The following DCHS2 variants were observed in gnomAD, a reference collection of about 807,000 sequenced individuals.
The protein encoded by DCHS2 is protocadherin-23.
DCHS2 carries 142 observed loss-of-function variants against 182.4 expected under a neutral mutation model. The observed-to-expected ratio is 0.78, with a 90% CI of 0.68 to 0.89. The LOEUF (loss-of-function observed/expected upper bound fraction) is 0.89, where lower values mean the gene tolerates loss of function less well. DCHS2 is among the 40% of genes least tolerant of loss of function. DCHS2 has a pLI of 0.00. For synonymous variants in DCHS2, 1,740 were observed against 1,663.3 expected (o/e 1.05, Z -1.12); for missense variants, 4,319 against 4,198.6 (o/e 1.03, Z -0.79).
chr4:154,307,366 T>C (rs982717098), intron 10 of DCHS2, among the ~76,000 whole-genome samples: 9 of 152,270 alleles, frequency 5.9e-5, no homozygotes, highest in Middle Eastern at 3.4e-3. Flanking sequence ...TGTGTGTGTG[T>C]GCCTGTGTAT....
intron 3 of DCHS2, chr4:154,357,362 GA>G: frequency 7.2e-7 from 1 of 1,389,912 alleles, no homozygotes; most frequent in Non-Finnish European, 1.0e-6. Flanking sequence ...TGGGAGCAGG[GA>G]AAAGCAAAAA....
At chr4:154,462,547 T>C (rs1037988016) in intron 1 of DCHS2, among the ~76,000 whole-genome samples, 3 of 152,200 alleles carry the variant, frequency 2.0e-5, no homozygotes, top group Non-Finnish European at 4.4e-5. Context: ...ACAGAAGAGT[T>C]GGAAATGGTT....
chr4:154,365,482 T>A (rs1730305087), intron 3 of DCHS2, among the ~76,000 whole-genome samples: 1 of 152,100 alleles, frequency 6.6e-6, no homozygotes, highest in Non-Finnish European at 1.5e-5. Context: ...TTTTTGTTTT[T>A]TTTTTGGAGA....
intron 3 of DCHS2, among the ~76,000 whole-genome samples, chr4:154,344,284 A>T (rs1166598495): frequency 6.6e-6 from 1 of 152,228 alleles, no homozygotes; most frequent in African/African-American, 2.4e-5. Context: ...TCCCCATAAC[A>T]CTAATAAATT....
chr4:154,248,145 G>A (rs577162575), intron 16 of DCHS2, among the ~76,000 whole-genome samples: 28 of 152,234 alleles, frequency 1.8e-4, no homozygotes, highest in Non-Finnish European at 3.1e-4. Context: ...TAGCCAATTG[G>A]GCACTCAGGA....
chr4:154,255,569 A>G lies in DCHS2; in HGVS notation c.6891T>C (p.Gly2297=). 4 of 1,614,004 alleles carry G rather than the reference A, an allele frequency of 2.5e-6. No individual in the cohort carries two copies. In the Middle Eastern group the frequency reaches 6.6e-4, roughly 266 times the overall value. ...CTAGAATCGCTTTTGTTGTTATCAC[A>G]CCACTCAGTGCATCAATCTGGAATG... ...EEAFQIDALS[G]VITTKAILDY... The change falls in exon 16 of 20, where the codon GGT becomes GGC. Residue 2297 remains glycine (G), a synonymous_variant. Transcript: ENST00000357232.
chr4:154,243,700 A>G (rs1193358766), intron 16 of DCHS2, among the ~76,000 whole-genome samples: 1 of 152,164 alleles, frequency 6.6e-6, no homozygotes, highest in Non-Finnish European at 1.5e-5. Flanking sequence ...TACATCCACT[A>G]AAGTCCCAGG....
In DCHS2 at chr4:154,328,147, C is replaced by G. The variant is rs142035311; in HGVS notation, c.3964G>C (p.Ala1322Pro). 191 of 1,609,654 alleles carry G rather than the reference C, an allele frequency of 1.2e-4. No individual in the cohort carries two copies. Among genetic ancestry groups the G allele is most frequent in the Admixed American group, 4.7e-4 (28 of 59,322 alleles). ...PVNMLVTTVF[A>P]KDPDEGNNAE... Reference sequence around the variant, plus strand: ...TTATTTCCTTCATCAGGATCCTTTGCAAACACAGTTGTAACCAACATATTT... The same window carrying G: ...TTATTTCCTTCATCAGGATCCTTTGGAAACACAGTTGTAACCAACATATTT... The change falls in exon 7 of 20, where the codon GCA (alanine) becomes CCA (proline). Residue 1322 changes from alanine (A) to proline (P), a missense_variant. Transcript: ENST00000357232.
chr4:154,245,145 TA>T (rs1421012115), intron 16 of DCHS2, among the ~76,000 whole-genome samples: 1 of 152,018 alleles, frequency 6.6e-6, no homozygotes, highest in Non-Finnish European at 1.5e-5. Context: ...GAAGAACAAA[TA>T]AAAAAATATG....
chr4:154,317,931 A>G (rs1735920339), intron 9 of DCHS2, among the ~76,000 whole-genome samples: 1 of 152,184 alleles, frequency 6.6e-6, no homozygotes. Context: ...TTAAAAATAT[A>G]TATTATTTCC....
intron 16 of DCHS2, among the ~76,000 whole-genome samples, chr4:154,249,557 C>A (rs1271499095): frequency 5.9e-5 from 9 of 152,242 alleles, no homozygotes; most frequent in African/African-American, 2.2e-4. Context: ...ACCCAGCAAT[C>A]CTATTGCTGG....
At chr4:154,334,601 T>C (rs1487797301) in intron 4 of DCHS2, 12 of 367,480 alleles carry the variant, frequency 3.3e-5, no homozygotes, top group Non-Finnish European at 5.9e-5. Flanking sequence ...GAGTGGGTTA[T>C]AGGAGACATA....
At chr4:154,302,265 A>G (rs775418064) in intron 12 of DCHS2, among the ~76,000 whole-genome samples, 4 of 152,242 alleles carry the variant, frequency 2.6e-5, no homozygotes, top group Non-Finnish European at 5.9e-5. Flanking sequence ...AAAAAATCAT[A>G]TTTCAAACAG....
intron 2 of DCHS2, among the ~76,000 whole-genome samples, chr4:154,373,645 T>TC (rs1319944000): frequency 4.9e-5 from 6 of 122,460 alleles, no homozygotes; most frequent in Non-Finnish European, 1.0e-4. Flanking sequence ...TTGTGCCAGG[T>TC]CCCGTTTTCA....
chr4:154,322,362 G>A lies in DCHS2; in HGVS notation c.4145C>T (p.Pro1382Leu). Residue 1382 changes from proline (P) to leucine (L), a missense_variant, in exon 8 of 20, where the codon CCT becomes CTT. Physicochemically the swap from Pro to Leu is moderately conservative, Grantham distance 98. Coordinates refer to ENST00000357232, the MANE Select transcript of DCHS2 (RefSeq NM_001358235.2). ...SVIATDQGVPPLQGQAVVNIQ... is the reference protein window; with the variant it reads ...SVIATDQGVPLLQGQAVVNIQ... ...ATTAACAACTGCCTGTCCTTGAAGA[G>A]GAGGCACTCCCTGGTCAGTGGCAAT... The A allele has an allele frequency of 6.2e-7, 1 of 1,613,690 alleles. No individual in the cohort carries two copies. Among genetic ancestry groups the A allele is most frequent in the Non-Finnish European group, 8.5e-7 (1 of 1,179,772 alleles).
chr4:154,305,839 C>T (rs943100033), intron 10 of DCHS2, among the ~76,000 whole-genome samples: 2 of 152,134 alleles, frequency 1.3e-5, no homozygotes, highest in Non-Finnish European at 2.9e-5. Flanking sequence ...AAAAGTATCA[C>T]GTCATTTCCA....
intron 3 of DCHS2, among the ~76,000 whole-genome samples, chr4:154,360,431 C>T (rs1390430249): frequency 1.3e-5 from 2 of 152,052 alleles, no homozygotes; most frequent in Admixed American, 1.3e-4. Context: ...CTCTAACATG[C>T]TTTTGTTTCC....
intron 1 of DCHS2, among the ~76,000 whole-genome samples, chr4:154,426,518 G>A (rs1180770332): frequency 6.6e-6 from 1 of 152,166 alleles, no homozygotes; most frequent in African/African-American, 2.4e-5. Flanking sequence ...AATACAAAGT[G>A]CAGGTCCACA....
intron 13 of DCHS2, among the ~76,000 whole-genome samples, chr4:154,293,175 C>T: frequency 6.6e-6 from 1 of 150,908 alleles, no homozygotes; most frequent in African/African-American, 2.5e-5. Context: ...TAACTGGATG[C>T]GGGAAAGGGG....
Sources: gnomAD v4.1 joint callset for allele counts (sites outside exome capture counted in the v4.1 genomes callset) on GRCh38, gnomAD v4.1.1 for gene constraint, MANE v1.5 for transcripts, NCBI Gene and HGNC (gene_info 2026-07-23, HGNC 2026-07-21) for gene names.